The following RERE variants were observed in gnomAD, a reference collection of about 807,000 sequenced individuals.
RERE encodes arginine-glutamic acid dipeptide repeats protein.
Under a neutral mutation model 146.1 loss-of-function variants are expected in RERE, and 40 were observed. The ratio of observed to expected loss-of-function variants is 0.27; its 90% CI spans 0.21 to 0.36. RERE has a LOEUF of 0.36. Ranked by LOEUF, RERE falls within the 10% of genes least tolerant of loss-of-function variation. RERE has a pLI of 1.00. For missense variants in RERE, 1,933 were observed against 2,138.7 expected (o/e 0.90, Z 1.90); for synonymous variants, 1,003 against 866.0 (o/e 1.16, Z -2.78).
At chr1:8,504,030 C>G (rs547835479) in intron 8 of RERE, among the ~76,000 whole-genome samples, 49 of 152,294 alleles carry the variant, frequency 3.2e-4, no homozygotes, top group African/African-American at 1.1e-3. Flanking sequence ...ATAGAAAAAT[C>G]TGAATTTGAA....
intron 3 of RERE, among the ~76,000 whole-genome samples, chr1:8,615,410 G>A (rs939632464): frequency 2.0e-5 from 3 of 152,002 alleles, no homozygotes; most frequent in Non-Finnish European, 2.9e-5. Flanking sequence ...AATTAACTTT[G>A]AAAACATTTA....
chr1:8,535,435 T>C (rs1645711993), intron 7 of RERE, among the ~76,000 whole-genome samples: 1 of 152,190 alleles, frequency 6.6e-6, no homozygotes, highest in Non-Finnish European at 1.5e-5. Context: ...TGTAAGAAAA[T>C]GCTCATGTTC....
rs182102427 is a variant in RERE at position 8,522,671 on chromosome 1, A to G, written c.831-13996T>C. On this transcript the variant is annotated intron_variant, in intron 7 of 22. Coordinates refer to ENST00000400908, the MANE Select transcript of RERE (RefSeq NM_001042681.2). ...CAGATCACCCAAGGTCAGGAGTTTG[A>G]GACCAGCCTGGCCAATATGGTGAAA... Among the ~76,000 whole-genome samples, 1,178 of 152,088 alleles carry G rather than the reference A, an allele frequency of 7.7e-3. 7 individuals carry two copies. Among genetic ancestry groups the G allele is most frequent in the Non-Finnish European group, 0.013 (859 of 67,956 alleles).
intron 4 of RERE, among the ~76,000 whole-genome samples, chr1:8,572,164 T>C (rs1279300034): frequency 6.6e-6 from 1 of 152,236 alleles, no homozygotes; most frequent in Non-Finnish European, 1.5e-5. Context: ...AATTAACTTA[T>C]TTTGTTTCTA....
intron 7 of RERE, among the ~76,000 whole-genome samples, chr1:8,510,468 T>C (rs997442563): frequency 1.3e-5 from 2 of 152,264 alleles, no homozygotes; most frequent in East Asian, 1.9e-4. Context: ...GAGAATGGTA[T>C]GTGGAAAAAC....
intron 7 of RERE, among the ~76,000 whole-genome samples, chr1:8,537,690 C>T (rs900698403): frequency 1.3e-5 from 2 of 151,932 alleles, no homozygotes; most frequent in Non-Finnish European, 2.9e-5. Context: ...TGCCAATTAC[C>T]AAGAAATCCA....
At chr1:8,633,329 G>A (rs1647056538) in intron 2 of RERE, among the ~76,000 whole-genome samples, 1 of 151,940 alleles carries the variant, frequency 6.6e-6, no homozygotes, top group African/African-American at 2.4e-5. Context: ...AGGTTGAGGT[G>A]GGAGGATCAC....
At chr1:8,414,743 G>A (rs1643716240) in intron 12 of RERE, among the ~76,000 whole-genome samples, 1 of 151,906 alleles carries the variant, frequency 6.6e-6, no homozygotes, top group Admixed American at 6.6e-5. Flanking sequence ...TCAACATCTC[G>A]GAAAACTTAG....
At chr1:8,456,278 T>G (rs1020449316) in intron 11 of RERE, among the ~76,000 whole-genome samples, 1 of 152,234 alleles carries the variant, frequency 6.6e-6, no homozygotes, top group Non-Finnish European at 1.5e-5. Context: ...AATTAAAATT[T>G]GTCAGGACAG....
In RERE at chr1:8,352,515, T is replaced by G. The variant is rs1641135670; in HGVS notation, c.*2572A>C. 6.6e-6 allele frequency: 1 copy of G among 152,500 alleles called. No homozygotes were observed. The highest frequency in any genetic ancestry group is 6.5e-5 in the Admixed American group (1 of 15,288). The allele number at this position is 152,500 out of a possible 1,614,324, so 9.4% of individuals were successfully genotyped here. A position where few individuals can be genotyped will look rare whatever the true frequency, so the allele number is the denominator to read the frequency against. ...ATTTCTGGGTGTCTACTGTTTACACTGTGTTATCTCATGGCAAACTACTCA... is the reference window on the plus strand; with the variant it reads ...ATTTCTGGGTGTCTACTGTTTACACGGTGTTATCTCATGGCAAACTACTCA... On this transcript the variant is annotated 3_prime_UTR_variant, in exon 23 of 23. Transcript: ENST00000400908.
At chr1:8,494,441 T>C (rs2124230220) in intron 10 of RERE, among the ~76,000 whole-genome samples, 1 of 152,278 alleles carries the variant, frequency 6.6e-6, no homozygotes, top group Admixed American at 6.5e-5. Flanking sequence ...TAATAGAACC[T>C]AGAGGCCGGG....
chr1:8,598,882 C>G (rs1319252481), intron 4 of RERE, among the ~76,000 whole-genome samples: 3 of 152,214 alleles, frequency 2.0e-5, no homozygotes, highest in Non-Finnish European at 2.9e-5. Flanking sequence ...AGTACTGTCT[C>G]CACCAGCAGA....
intron 11 of RERE, among the ~76,000 whole-genome samples, chr1:8,454,832 A>T (rs1299370385): frequency 6.6e-6 from 1 of 151,888 alleles, no homozygotes; most frequent in Non-Finnish European, 1.5e-5. Context: ...AACAACAAAA[A>T]AAAACCCCCA....
At chr1:8,458,564 T>C (rs1299796250) in intron 11 of RERE, among the ~76,000 whole-genome samples, 4 of 152,242 alleles carry the variant, frequency 2.6e-5, no homozygotes, top group Non-Finnish European at 5.9e-5. Context: ...AACACAGACG[T>C]GTGCGCATGC....
rs1641787790 is a variant in RERE, at chr1:8,365,910, T to C, written c.1349A>G (p.His450Arg). The change falls in exon 13 of 23, where the codon CAT becomes CGT. Residue 450 changes from histidine (H) to arginine (R), a missense_variant. By Grantham distance (29) the His-to-Arg change is conservative. Around this residue, in one of 11 missense-constraint regions of RERE, gnomAD observed 260 missense variants for 378.4 expected, o/e 0.69. Coordinates refer to ENST00000400908, the MANE Select transcript of RERE (RefSeq NM_001042681.2). ...CACGGCCTGCCTGCGGTGCCTACGA[T>C]GGGCTCGGGAGCTGGCTGCTTCGGG... is the stretch of plus-strand genomic sequence containing the variant. ...KTPEAASSRA[H>R]RRHRRQAVFR... is the part of the protein sequence containing the mutation. The C allele has an allele frequency of 1.2e-6, 2 of 1,614,064 alleles. No individual in the cohort carries two copies. The highest frequency in any genetic ancestry group is 1.3e-5 in the African/African-American group (1 of 74,944).
intron 1 of RERE, among the ~76,000 whole-genome samples, chr1:8,719,764 T>C (rs1297048678): frequency 6.6e-6 from 1 of 152,176 alleles, no homozygotes; most frequent in Admixed American, 6.5e-5. Context: ...TTACATTATT[T>C]AAATGCTTAT....
At chr1:8,433,231 A>G (rs1312236359) in intron 11 of RERE, among the ~76,000 whole-genome samples, 2 of 152,134 alleles carry the variant, frequency 1.3e-5, no homozygotes, top group Non-Finnish European at 2.9e-5. Flanking sequence ...CTCAATTTCT[A>G]TGTCCCTGGT....
intron 1 of RERE, among the ~76,000 whole-genome samples, chr1:8,702,797 G>C (rs535731935): frequency 6.6e-6 from 1 of 152,130 alleles, no homozygotes; most frequent in Admixed American, 6.5e-5. Context: ...TTTTCTGTTC[G>C]ATTTAATTAA....
At chr1:8,772,441 G>T (rs562781766) in intron 1 of RERE, among the ~76,000 whole-genome samples, 2 of 152,068 alleles carry the variant, frequency 1.3e-5, no homozygotes, top group African/African-American at 2.4e-5. Flanking sequence ...ACTTTACAAT[G>T]GCTTTGAGGA....
Sources: gnomAD v4.1 joint callset for allele counts (sites outside exome capture counted in the v4.1 genomes callset) on GRCh38, gnomAD v4.1.1 for gene constraint, gnomAD v4.1.1 regional missense constraint, MANE v1.5 for transcripts, NCBI Gene and HGNC (gene_info 2026-07-23, HGNC 2026-07-21) for gene names.